Variants in NRXN1 observed in about 807,000 individuals in gnomAD.
The protein encoded by NRXN1 is neurexin 1.
In NRXN1, 39 loss-of-function variants were observed where a neutral mutation model predicts 150.9. The observed-to-expected ratio is 0.26, with a 90% CI of 0.20 to 0.34. NRXN1 has a LOEUF of 0.34. Ranked by LOEUF, NRXN1 falls within the 10% of genes least tolerant of loss-of-function variation. NRXN1 has a pLI of 1.00. For missense variants in NRXN1, 1,815 were observed against 1,949.9 expected (o/e 0.93, Z 1.30); for synonymous variants, 924 against 757.0 (o/e 1.22, Z -3.62).
At chr2:50,415,072 A>G (rs2083443020) in intron 17 of NRXN1, among the ~76,000 whole-genome samples, 1 of 152,176 alleles carries the variant, frequency 6.6e-6, no homozygotes, top group Non-Finnish European at 1.5e-5. Flanking sequence ...TGAAGGAGTA[A>G]AGACAATGAC....
intron 18 of NRXN1, among the ~76,000 whole-genome samples, chr2:50,228,815 C>A (rs1030110765): frequency 2.7e-5 from 4 of 147,538 alleles, no homozygotes; most frequent in Non-Finnish European, 6.2e-5. Flanking sequence ...TACTTAGAAG[C>A]CTAGTTGCAG....
intron 16 of NRXN1, among the ~76,000 whole-genome samples, chr2:50,469,227 T>C (rs188455027): frequency 5.1e-4 from 77 of 151,750 alleles, no homozygotes; most frequent in Admixed American, 8.6e-4. Flanking sequence ...GATTCTGATA[T>C]AGGCTAACAT....
intron 18 of NRXN1, among the ~76,000 whole-genome samples, chr2:50,163,910 T>C (rs2059519916): frequency 6.6e-6 from 1 of 152,210 alleles, no homozygotes; most frequent in Non-Finnish European, 1.5e-5. Context: ...ACTACCACTT[T>C]GAGCTAAGTA....
chr2:50,757,807 T>C (rs954680507), intron 5 of NRXN1, among the ~76,000 whole-genome samples: 2 of 151,410 alleles, frequency 1.3e-5, no homozygotes, highest in Non-Finnish European at 3.0e-5. Flanking sequence ...CAATTCTCAA[T>C]ATTGATGCAT....
At chr2:50,711,150 C>G (rs1034742819) in intron 5 of NRXN1, among the ~76,000 whole-genome samples, 3 of 152,082 alleles carry the variant, frequency 2.0e-5, no homozygotes, top group African/African-American at 7.2e-5. Flanking sequence ...ACACTAGTCT[C>G]TACTGCAAGG....
At chr2:50,985,014 G>T (rs1162381165) in intron 2 of NRXN1, among the ~76,000 whole-genome samples, 2 of 151,990 alleles carry the variant, frequency 1.3e-5, no homozygotes, top group Non-Finnish European at 2.9e-5. Context: ...TTTCCTTTCT[G>T]CTCTAATTCC....
chr2:50,625,573 GTCCAGGTGTC>G (rs1478750177), intron 5 of NRXN1, among the ~76,000 whole-genome samples: 3 of 152,076 alleles, frequency 2.0e-5, no homozygotes, highest in Non-Finnish European at 2.9e-5. Flanking sequence ...GAAAGTTATA[GTCCAGGTGTC>G]TGCTCCCCTG....
At chr2:50,473,563 T>G (rs1441806114) in intron 15 of NRXN1, among the ~76,000 whole-genome samples, 2 of 152,082 alleles carry the variant, frequency 1.3e-5, no homozygotes, top group Non-Finnish European at 2.9e-5. Context: ...CATACTCTTT[T>G]TATCTACTTC....
chr2:50,880,994 T>C (rs1217108122), intron 5 of NRXN1, among the ~76,000 whole-genome samples: 1 of 151,892 alleles, frequency 6.6e-6, no homozygotes, highest in Non-Finnish European at 1.5e-5. Flanking sequence ...AGTCAAGAGA[T>C]ATAGACCAGA....
chr2:51,022,457 T>C (rs1233589805), intron 2 of NRXN1, among the ~76,000 whole-genome samples: 3 of 152,158 alleles, frequency 2.0e-5, no homozygotes, highest in African/African-American at 7.2e-5. Context: ...AATAATATAT[T>C]TGACTTTATT....
chr2:50,052,427 T>C (rs1328405735), intron 21 of NRXN1, among the ~76,000 whole-genome samples: 3 of 152,118 alleles, frequency 2.0e-5, no homozygotes, highest in African/African-American at 7.2e-5. Context: ...AACAGGAATC[T>C]AATGGCATTT....
intron 18 of NRXN1, among the ~76,000 whole-genome samples, chr2:50,140,661 TTCTC>T (rs957167068): frequency 2.0e-5 from 3 of 147,318 alleles, no homozygotes; most frequent in African/African-American, 4.9e-5. Context: ...CTGAGCTTTT[TTCTC>T]TCTCTTTTTT....
chr2:50,525,406 T>C (rs2092923640), intron 12 of NRXN1, among the ~76,000 whole-genome samples: 1 of 152,178 alleles, frequency 6.6e-6, no homozygotes, highest in East Asian at 1.9e-4. Flanking sequence ...TATCCTTCAC[T>C]GTCTAAGAAA....
At chr2:50,046,008 C>G (rs1436419861) in intron 21 of NRXN1, among the ~76,000 whole-genome samples, 1 of 152,092 alleles carries the variant, frequency 6.6e-6, no homozygotes, top group Non-Finnish European at 1.5e-5. Context: ...AATATGTTAT[C>G]CAGGATAGAT....
At position 50,409,729 on chromosome 2, in the gene NRXN1, A is replaced by G. The variant is rs150624276; in HGVS notation, c.3364+55713T>C. On this transcript the variant is annotated intron_variant, in intron 17 of 22. Transcript: ENST00000401669. ...TCCCAGATGATGAAATTTCAAGTTC[A>G]CTACAATAGTTACATGTATAAGAAT... Among the ~76,000 whole-genome samples, 6 of 152,366 alleles carry G rather than the reference A, an allele frequency of 3.9e-5. 1 individual carries two copies. The East Asian group carries it at 9.6e-4, about 24-fold the overall frequency.
intron 5 of NRXN1, among the ~76,000 whole-genome samples, chr2:50,755,552 C>A (rs1314282327): frequency 6.6e-6 from 1 of 151,760 alleles, no homozygotes; most frequent in African/African-American, 2.4e-5. Flanking sequence ...ATTTTTATTA[C>A]CTGCTGTAAT....
At chr2:50,058,705 T>C (rs1573657136) in intron 19 of NRXN1, among the ~76,000 whole-genome samples, 1 of 152,064 alleles carries the variant, frequency 6.6e-6, no homozygotes, top group Non-Finnish European at 1.5e-5. Flanking sequence ...AGGGACCCAG[T>C]GGGATGTAAT....
intron 5 of NRXN1, among the ~76,000 whole-genome samples, chr2:50,853,905 C>T (rs1038540965): frequency 6.6e-5 from 10 of 152,042 alleles, no homozygotes; most frequent in Admixed American, 6.6e-5. Flanking sequence ...CTGTTAATTT[C>T]GCAACACATG....
intron 18 of NRXN1, among the ~76,000 whole-genome samples, chr2:50,100,071 T>A (rs538641577): frequency 6.6e-6 from 1 of 152,256 alleles, no homozygotes; most frequent in East Asian, 1.9e-4. Context: ...TGAGTCTCTC[T>A]TAGATTTCCT....
Sources: gnomAD v4.1 joint callset for allele counts (sites outside exome capture counted in the v4.1 genomes callset) on GRCh38, gnomAD v4.1.1 for gene constraint, MANE v1.5 for transcripts, NCBI Gene and HGNC (gene_info 2026-07-23, HGNC 2026-07-21) for gene names.